WWOX: variants seen among roughly 807,000 people sequenced by gnomAD.
WWOX encodes the protein WW domain containing oxidoreductase, also known as WW domain-containing oxidoreductase.
A neutral mutation model predicts 46.2 loss-of-function variants in WWOX; 69 were observed. The observed-to-expected ratio is 1.49, with a 90% CI of 1.23 to 1.82. The LOEUF (loss-of-function observed/expected upper bound fraction) is 1.82, where lower values mean the gene tolerates loss of function less well. WWOX is among the 40% of genes most tolerant of loss of function. The probability of loss-of-function intolerance (pLI) is 0.00; values close to 1 mark genes in which losing one functional copy is unlikely to be tolerated. For synonymous variants in WWOX, 359 were observed against 202.6 expected, an observed-to-expected ratio of 1.77 and a Z score of -6.56; for missense variants, 919 against 542.6, an observed-to-expected ratio of 1.69 and a Z score of -6.89.
chr16:78,112,144 T>A (rs2032528379), intron 3 of WWOX, among the ~76,000 whole-genome samples: 1 of 152,228 alleles, frequency 6.6e-6, no homozygotes, highest in Non-Finnish European at 1.5e-5. Flanking sequence ...CTAAGCCCAG[T>A]AGGGCTGGAC....
At chr16:78,229,987 C>T (rs2037199773) in intron 5 of WWOX, among the ~76,000 whole-genome samples, 1 of 152,136 alleles carries the variant, frequency 6.6e-6, no homozygotes. Context: ...TCAAGCGATC[C>T]TTCTGCAACA....
intron 8 of WWOX, among the ~76,000 whole-genome samples, chr16:79,106,953 GC>G (rs557688833): frequency 1.3e-5 from 2 of 151,594 alleles, no homozygotes; most frequent in African/African-American, 4.8e-5. Context: ...GATTCTGGGT[GC>G]CCCCCGCAAC....
chr16:78,382,921 G>T (rs1327554258), intron 5 of WWOX, among the ~76,000 whole-genome samples: 2 of 151,894 alleles, frequency 1.3e-5, no homozygotes, highest in African/African-American at 4.8e-5. Context: ...TTGGCTCATT[G>T]TTCTGTGTTC....
At chr16:78,892,334 C>T (rs1004266044) in intron 8 of WWOX, 3 of 152,228 alleles carry the variant, frequency 2.0e-5, no homozygotes, top group Non-Finnish European at 4.4e-5. Context: ...ATGGCTTCTG[C>T]ACCTGTGTGC....
At chr16:79,137,271 A>G (rs1159677991) in intron 8 of WWOX, among the ~76,000 whole-genome samples, 1 of 152,208 alleles carries the variant, frequency 6.6e-6, no homozygotes, top group African/African-American at 2.4e-5. Context: ...TTCCTTTTAG[A>G]AGAAAATGAT....
intron 8 of WWOX, among the ~76,000 whole-genome samples, chr16:79,168,237 A>G (rs182201377): frequency 1.1e-4 from 16 of 152,244 alleles, no homozygotes; most frequent in East Asian, 1.9e-4. Flanking sequence ...TTTCTTGGGT[A>G]TATACTTAGG....
chr16:78,360,538 G>A (rs564118677), intron 5 of WWOX, among the ~76,000 whole-genome samples: 3 of 144,032 alleles, frequency 2.1e-5, no homozygotes, highest in South Asian at 2.2e-4. Context: ...TGAGCCAAGC[G>A]GAGTGCCACT....
chr16:78,604,126 C>G (rs55798515), intron 8 of WWOX, among the ~76,000 whole-genome samples: 1 of 151,908 alleles, frequency 6.6e-6, no homozygotes, highest in Non-Finnish European at 1.5e-5. Context: ...CCTGGGTGAC[C>G]GAGACCTTGT....
At chr16:79,082,818 T>C (rs920810235) in intron 8 of WWOX, among the ~76,000 whole-genome samples, 4 of 151,668 alleles carry the variant, frequency 2.6e-5, no homozygotes, top group African/African-American at 9.7e-5. Flanking sequence ...TGCTTTCAGC[T>C]TTATACCTTG....
chr16:78,225,108 A>C (rs2037008111), intron 5 of WWOX, among the ~76,000 whole-genome samples: 1 of 152,220 alleles, frequency 6.6e-6, no homozygotes, highest in Non-Finnish European at 1.5e-5. Context: ...CATGAAGATC[A>C]TAGAGTGTAT....
At chr16:78,626,762 C>T (rs2046320678) in intron 8 of WWOX, among the ~76,000 whole-genome samples, 1 of 152,156 alleles carries the variant, frequency 6.6e-6, no homozygotes, top group South Asian at 2.1e-4. Context: ...TGGAATTCTG[C>T]ATGGAATATT....
Position 79,046,671 on chromosome 16 carries a change from A to C in WWOX, c.1057-164937A>C, listed in dbSNP as rs2550688. 8.4e-3 allele frequency among the ~76,000 whole-genome samples: 1,272 copies of C among 152,294 alleles called. 14 individuals carry two copies. Among genetic ancestry groups the C allele is most frequent in the African/African-American group, 0.03 (1,240 of 41,566 alleles). ...CTCCACGGTGAGCATAGCTTGGCTC[A>C]GCCCAGCAGGAGATTTTGAACCGAC... On this transcript the variant is annotated intron_variant, in intron 8 of 8. Coordinates refer to ENST00000566780, the MANE Select transcript of WWOX (RefSeq NM_016373.4).
chr16:78,755,318 T>G (rs2049615448), intron 8 of WWOX, among the ~76,000 whole-genome samples: 1 of 151,950 alleles, frequency 6.6e-6, no homozygotes, highest in African/African-American at 2.4e-5. Flanking sequence ...GGAGAATGTC[T>G]TGTACATTTC....
intron 5 of WWOX, among the ~76,000 whole-genome samples, chr16:78,189,292 C>G (rs980859471): frequency 1.2e-4 from 18 of 152,226 alleles, no homozygotes; most frequent in Non-Finnish European, 2.1e-4. Context: ...CCTAGGAGCC[C>G]TTTCCTGCTG....
At chr16:78,607,260 T>G (rs542956887) in intron 8 of WWOX, among the ~76,000 whole-genome samples, 76 of 152,284 alleles carry the variant, frequency 5.0e-4, no homozygotes, top group African/African-American at 1.8e-3. Context: ...ATACAATATT[T>G]AATAAACTAT....
At chr16:79,064,317 C>T (rs935842995) in intron 8 of WWOX, among the ~76,000 whole-genome samples, 2 of 152,206 alleles carry the variant, frequency 1.3e-5, no homozygotes, top group African/African-American at 4.8e-5. Context: ...TGGTTTAGGG[C>T]ATAGCTTGTG....
chr16:79,187,060 A>C lies in WWOX; in HGVS notation c.1057-24548A>C, dbSNP rs138601674. Among the ~76,000 whole-genome samples the C allele has an allele frequency of 8.9e-3, 1,354 of 152,292 alleles. 13 individuals are homozygous for C. The highest frequency in any genetic ancestry group is 0.019 in the Admixed American group (284 of 15,298). ...CTAAATGTGCAGAGCAGGAAGTAGA[A>C]TGACTCTTTGGGTATTGTGTTTGTT... On this transcript the variant is annotated intron_variant, in intron 8 of 8. Coordinates refer to ENST00000566780, the MANE Select transcript of WWOX (RefSeq NM_016373.4).
At chr16:79,096,016 A>C in intron 8 of WWOX, among the ~76,000 whole-genome samples, 1 of 82,054 alleles carries the variant, frequency 1.2e-5, no homozygotes, top group Admixed American at 1.4e-4. Flanking sequence ...CACCCGGATA[A>C]TTTTTTTTTT....
intron 8 of WWOX, among the ~76,000 whole-genome samples, chr16:78,791,898 A>G (rs1429038990): frequency 6.6e-6 from 1 of 152,144 alleles, no homozygotes; most frequent in African/African-American, 2.4e-5. Context: ...AACAACAACA[A>G]CAACAAACAA....
Sources: gnomAD v4.1 joint callset for allele counts (sites outside exome capture counted in the v4.1 genomes callset) on GRCh38, gnomAD v4.1.1 for gene constraint, MANE v1.5 for transcripts, NCBI Gene and HGNC (gene_info 2026-07-23, HGNC 2026-07-21) for gene names.